The following ARHGAP32 variants were observed in gnomAD, a reference collection of about 807,000 sequenced individuals.
ARHGAP32 encodes rho GTPase-activating protein 32.
Under a neutral mutation model 186.5 loss-of-function variants are expected in ARHGAP32, and 51 were observed. That is an observed-to-expected ratio of 0.27 (90% confidence interval 0.22 to 0.35). ARHGAP32 has a LOEUF of 0.35. Ranked by LOEUF, ARHGAP32 falls within the 10% of genes least tolerant of loss-of-function variation. The pLI, the probability that ARHGAP32 is intolerant of heterozygous loss-of-function variation, is 1.00. For missense variants in ARHGAP32, 2,186 were observed against 2,623.5 expected (o/e 0.83, Z 3.64); for synonymous variants, 950 against 964.3 (o/e 0.99, Z 0.27).
At chr11:129,270,610 T>C (rs1299955550) in intron 1 of ARHGAP32, among the ~76,000 whole-genome samples, 2 of 151,592 alleles carry the variant, frequency 1.3e-5, no homozygotes, top group African/African-American at 4.8e-5. Context: ...GTAACAAATA[T>C]GCGACTCTGA....
chr11:129,118,873 A>T (rs1045257597), intron 5 of ARHGAP32, among the ~76,000 whole-genome samples: 10 of 152,056 alleles, frequency 6.6e-5, no homozygotes, highest in African/African-American at 1.9e-4. Context: ...ATCTTAGTAG[A>T]GTGTAAAAAA....
At chr11:129,086,263 C>T (rs1464369878) in intron 6 of ARHGAP32, among the ~76,000 whole-genome samples, 1 of 152,078 alleles carries the variant, frequency 6.6e-6, no homozygotes, top group African/African-American at 2.4e-5. Context: ...AGACCTTACA[C>T]CTTTTACAAG....
At position 129,000,680 on chromosome 11, in the gene ARHGAP32, G is replaced by C. The variant is rs192469103; in HGVS notation, c.1046-2212C>G. 1.4e-4 allele frequency among the ~76,000 whole-genome samples: 22 copies of C among 152,120 alleles called. No individual in the cohort carries two copies. In the East Asian group the frequency reaches 3.9e-3, roughly 27 times the overall value. On this transcript the variant is annotated intron_variant, in intron 11 of 22. Coordinates refer to ENST00000682385, the MANE Select transcript of ARHGAP32 (RefSeq NM_001378024.1). ...TACGTTTAAATTATTTTTGACTGTAGTCAGCCTGTTGTGCTATCAAATGCT... is the reference window on the plus strand; with the variant it reads ...TACGTTTAAATTATTTTTGACTGTACTCAGCCTGTTGTGCTATCAAATGCT...
At position 129,164,371 on chromosome 11, in the gene ARHGAP32, C is replaced by T; in HGVS notation, c.173G>A (p.Arg58Lys). 5 of 1,583,410 alleles carry T rather than the reference C, an allele frequency of 3.2e-6. No homozygotes were observed. Among genetic ancestry groups the T allele is most frequent in the Non-Finnish European group, 4.3e-6 (5 of 1,163,232 alleles). The change falls in exon 2 of 23, where the codon AGA becomes AAA. Residue 58 changes from arginine to lysine, a missense_variant. By Grantham distance (26) the Arg-to-Lys change is conservative. This residue lies in a region of ARHGAP32 where 108 missense variants were observed against 116.8 expected (regional missense o/e 0.92). Transcript: ENST00000682385. ...AGGCCGCTCTCGAGGGTGTACATTTCTATGTAGCTCTGGAACAAAATCATC... is the reference window on the plus strand; with the variant it reads ...AGGCCGCTCTCGAGGGTGTACATTTTTATGTAGCTCTGGAACAAAATCATC... ...EEDDFVPELH[R>K]NVHPRERPDW... is the part of the protein sequence containing the mutation.
At chr11:129,070,366 C>T (rs1940831016) in intron 6 of ARHGAP32, among the ~76,000 whole-genome samples, 2 of 152,000 alleles carry the variant, frequency 1.3e-5, no homozygotes, top group Non-Finnish European at 2.9e-5. Flanking sequence ...CTATATTGCT[C>T]ATGCATCTAT....
Position 129,143,147 on chromosome 11 carries a change from G to C in ARHGAP32, c.226-18253C>G, listed in dbSNP as rs113669183. Among the ~76,000 whole-genome samples the C allele has an allele frequency of 8.5e-3, 1,265 of 148,730 alleles. 22 individuals carry two copies. Among genetic ancestry groups the C allele is most frequent in the African/African-American group, 0.03 (1,191 of 40,124 alleles). On this transcript the variant is annotated intron_variant, in intron 2 of 22. Coordinates refer to ENST00000682385, the MANE Select transcript of ARHGAP32 (RefSeq NM_001378024.1). ...TTTGTGCTGTCAAGAAAGGCAAACAGGACTGCCAGTTTCCTGCAGTTTAAC... is the reference window on the plus strand; with the variant it reads ...TTTGTGCTGTCAAGAAAGGCAAACACGACTGCCAGTTTCCTGCAGTTTAAC...
intron 1 of ARHGAP32, among the ~76,000 whole-genome samples, chr11:129,232,922 G>T (rs1055584229): frequency 3.3e-5 from 5 of 152,082 alleles, no homozygotes; most frequent in African/African-American, 1.2e-4. Flanking sequence ...CAAGGGTCAG[G>T]CCTGCATAGA....
chr11:129,136,943 T>C (rs548921149), intron 2 of ARHGAP32, among the ~76,000 whole-genome samples: 1 of 152,136 alleles, frequency 6.6e-6, no homozygotes, highest in African/African-American at 2.4e-5. Context: ...CAAAATGCCA[T>C]ATGCATCCAT....
At chr11:129,102,441 T>G (rs1345404394) in intron 5 of ARHGAP32, among the ~76,000 whole-genome samples, 1 of 152,216 alleles carries the variant, frequency 6.6e-6, no homozygotes, top group Admixed American at 6.5e-5. Context: ...ATTGGTATGC[T>G]GTCTTCAAGA....
At chr11:129,081,755 A>G (rs901293460) in intron 6 of ARHGAP32, among the ~76,000 whole-genome samples, 1 of 151,972 alleles carries the variant, frequency 6.6e-6, no homozygotes, top group African/African-American at 2.4e-5. Context: ...AGCTAGAACT[A>G]TCAGACAAGA....
At chr11:129,069,749 T>C (rs1278594569) in intron 6 of ARHGAP32, among the ~76,000 whole-genome samples, 2 of 146,276 alleles carry the variant, frequency 1.4e-5, no homozygotes, top group East Asian at 4.0e-4. Context: ...AGGCTTCAAC[T>C]CCAAACATGT....
chr11:129,126,092 A>C (rs980830916), intron 2 of ARHGAP32: 10 of 268,454 alleles, frequency 3.7e-5, no homozygotes, highest in Admixed American at 1.5e-4. Context: ...ATTATACCCT[A>C]TCATACTAGA....
At chr11:129,112,484 T>G (rs1942251954) in intron 5 of ARHGAP32, among the ~76,000 whole-genome samples, 1 of 152,170 alleles carries the variant, frequency 6.6e-6, no homozygotes, top group Non-Finnish European at 1.5e-5. Context: ...AAATTAGTTT[T>G]CTATCCCTTT....
At chr11:129,254,174 A>G (rs1372812407) in intron 1 of ARHGAP32, among the ~76,000 whole-genome samples, 2 of 151,870 alleles carry the variant, frequency 1.3e-5, no homozygotes, top group African/African-American at 2.4e-5. Flanking sequence ...AAAGGGGGGG[A>G]AATATTTATA....
rs967699358 is a variant in ARHGAP32, at chr11:129,248,516, C to A, written c.-5+30630G>T. Among the ~76,000 whole-genome samples the A allele has an allele frequency of 3.3e-5, 5 of 152,300 alleles. No homozygotes were observed. The South Asian group carries it at 1.0e-3, about 32-fold the overall frequency. ...GAACAAAACATCTTTATAAGTAGTG[C>A]TCTGTGCCTAAATCACCCCAGCCTC... On this transcript the variant is annotated intron_variant, in intron 1 of 6. Transcript: ENST00000525234.
intron 1 of ARHGAP32, among the ~76,000 whole-genome samples, chr11:129,209,525 C>G (rs1357519398): frequency 6.6e-6 from 1 of 151,954 alleles, no homozygotes; most frequent in East Asian, 1.9e-4. Context: ...GGAAGGGTAC[C>G]TTTACTGCAC....
At chr11:129,026,433 G>A (rs766574319) in intron 11 of ARHGAP32, among the ~76,000 whole-genome samples, 11 of 152,068 alleles carry the variant, frequency 7.2e-5, no homozygotes, top group South Asian at 2.1e-4. Context: ...TCTTTGCATG[G>A]GTGGGAGAGG....
intron 2 of ARHGAP32, among the ~76,000 whole-genome samples, chr11:129,160,003 C>G (rs1444250736): frequency 6.6e-6 from 1 of 152,080 alleles, no homozygotes; most frequent in Admixed American, 6.6e-5. Context: ...TGACAAAAAC[C>G]ACAATTATCT....
intron 11 of ARHGAP32, among the ~76,000 whole-genome samples, chr11:129,002,559 T>G (rs1946389075): frequency 6.6e-6 from 1 of 152,146 alleles, no homozygotes; most frequent in African/African-American, 2.4e-5. Context: ...GGCTGCTGCT[T>G]CTTCAATTTG....
Sources: gnomAD v4.1 joint callset for allele counts (sites outside exome capture counted in the v4.1 genomes callset) on GRCh38, gnomAD v4.1.1 for gene constraint, gnomAD v4.1.1 regional missense constraint, MANE v1.5 for transcripts, NCBI Gene and HGNC (gene_info 2026-07-23, HGNC 2026-07-21) for gene names.